The following GPRC5B variants were observed in gnomAD, a reference collection of about 807,000 sequenced individuals.
The protein encoded by GPRC5B is G protein-coupled receptor class C group 5 member B.
A neutral mutation model predicts 30.1 loss-of-function variants in GPRC5B; 16 were observed. The ratio of observed to expected loss-of-function variants is 0.53; its 90% CI spans 0.36 to 0.81. The LOEUF (loss-of-function observed/expected upper bound fraction) is 0.81, where lower values mean the gene tolerates loss of function less well. Among genes scored for constraint, GPRC5B ranks in the 30% least tolerant of loss-of-function variants. The pLI is 0.01. For missense variants in GPRC5B, 428 were observed against 544.7 expected, an observed-to-expected ratio of 0.79 and a Z score of 2.13; for synonymous variants, 241 against 239.5, an observed-to-expected ratio of 1.01 and a Z score of -0.06.
intron 3 of GPRC5B, among the ~76,000 whole-genome samples, chr16:19,861,003 T>G (rs931246172): frequency 2.1e-5 from 3 of 142,548 alleles, no homozygotes; most frequent in African/African-American, 5.3e-5. Context: ...TCCAAACCAA[T>G]GCAAACCAAT....
chr16:19,883,852 C>G (rs1425487748), intron 1 of GPRC5B, among the ~76,000 whole-genome samples: 1 of 152,246 alleles, frequency 6.6e-6, no homozygotes, highest in African/African-American at 2.4e-5. Flanking sequence ...TCGTTGGCCC[C>G]TTCCCAGGCT....
At chr16:19,874,625 C>T (rs1311945394) in intron 1 of GPRC5B, 3 of 152,250 alleles carry the variant, frequency 2.0e-5, no homozygotes, top group East Asian at 1.9e-4. Flanking sequence ...TTAGCAGCAT[C>T]GCTGGGTTCT....
intron 2 of GPRC5B, among the ~76,000 whole-genome samples, chr16:19,870,976 GA>G (rs35934193): frequency 0.38 from 56,306 of 146,614 alleles, 11,000 homozygotes; most frequent in African/African-American, 0.5. Flanking sequence ...AATTGGTAGG[GA>G]AAAAAAAAAA....
intron 1 of GPRC5B, among the ~76,000 whole-genome samples, chr16:19,879,033 T>C (rs1189940851): frequency 3.3e-5 from 5 of 151,920 alleles, no homozygotes; most frequent in Non-Finnish European, 7.4e-5. Flanking sequence ...CCTAGCTCCT[T>C]CACCTCCCCA....
At chr16:19,863,154 G>A (rs886101570) in intron 2 of GPRC5B, among the ~76,000 whole-genome samples, 19 of 148,608 alleles carry the variant, frequency 1.3e-4, no homozygotes, top group African/African-American at 4.7e-4. Flanking sequence ...AATTTTCATC[G>A]CACGATAGCT....
chr16:19,879,627 T>G (rs1020878872), intron 1 of GPRC5B, among the ~76,000 whole-genome samples: 1 of 152,110 alleles, frequency 6.6e-6, no homozygotes, highest in African/African-American at 2.4e-5. Context: ...CATACCTTGG[T>G]GTGAACTTAG....
chr16:19,880,049 G>A (rs1279847962), intron 1 of GPRC5B, among the ~76,000 whole-genome samples: 2 of 151,782 alleles, frequency 1.3e-5, no homozygotes, highest in East Asian at 1.9e-4. Flanking sequence ...TGGGAGGATC[G>A]CTTGAGCCCA....
Position 19,858,521 on chromosome 16 carries a change from G to C in GPRC5B, c.*1979C>G, listed in dbSNP as rs766047274. On this transcript the variant is annotated 3_prime_UTR_variant, in exon 4 of 4. Coordinates refer to ENST00000300571, the MANE Select transcript of GPRC5B (RefSeq NM_016235.3). ...TATCAGAAAGCTCCAAAGGACTCCA[G>C]AGAGCGGGGGTGAGTAACCATTTCC... 40 of 686,592 alleles carry C rather than the reference G, an allele frequency of 5.8e-5. No homozygotes were observed. The highest frequency in any genetic ancestry group is 8.4e-5 in the Non-Finnish European group (32 of 381,378). The allele number at this position is 686,592 out of a possible 1,614,324, so 42.5% of individuals were successfully genotyped here.
intron 1 of GPRC5B, among the ~76,000 whole-genome samples, chr16:19,884,173 A>C: frequency 2.1e-5 from 2 of 95,812 alleles, no homozygotes; most frequent in Admixed American, 1.4e-4. Flanking sequence ...GCCATCTCCC[A>C]CCGCCGTGTC....
At chr16:19,869,190 G>C (rs967492166) in intron 2 of GPRC5B, among the ~76,000 whole-genome samples, 1 of 151,902 alleles carries the variant, frequency 6.6e-6, no homozygotes, top group African/African-American at 2.4e-5. Context: ...TTAGCCAGGC[G>C]TGATGGCATG....
At chr16:19,875,977 C>G (rs1414768967) in intron 1 of GPRC5B, among the ~76,000 whole-genome samples, 1 of 152,178 alleles carries the variant, frequency 6.6e-6, no homozygotes, top group South Asian at 2.1e-4. Context: ...CAGTCCCCGA[C>G]CCAGTGGAGG....
chr16:19,872,039 G>A lies in GPRC5B; in HGVS notation c.807C>T (p.Asp269=). The A allele has an allele frequency of 6.2e-7, 1 of 1,614,010 alleles. No homozygotes were observed. Among genetic ancestry groups the A allele is most frequent in the Non-Finnish European group, 8.5e-7 (1 of 1,179,970 alleles). The change falls in exon 2 of 4, where the codon GAC becomes GAT. Residue 269 remains aspartate, a synonymous_variant. Coordinates refer to ENST00000300571, the MANE Select transcript of GPRC5B (RefSeq NM_016235.3). The surrounding 1 kb of genome is among the most constrained non-coding windows in gnomAD (Gnocchi z 5.0). ...VKLQQGDAWN[D]PTLAITLAAS... is the part of the protein sequence containing the mutation. ...CCGCCAGCGTGATGGCCAAGGTGGG[G>A]TCGTTCCAGGCATCCCCCTGCTGCA...
intron 1 of GPRC5B, among the ~76,000 whole-genome samples, chr16:19,874,443 C>T (rs2056745812): frequency 6.6e-6 from 1 of 152,204 alleles, no homozygotes; most frequent in South Asian, 2.1e-4. Flanking sequence ...TACTTTGTTT[C>T]TGCCTTCCCT....
In GPRC5B at chr16:19,861,949, T is replaced by C. The variant is rs1442105793; in HGVS notation, c.1055A>G (p.Asn352Ser). The C allele has an allele frequency of 5.0e-6, 8 of 1,613,778 alleles. No homozygotes were observed. The South Asian group carries it at 5.5e-5, about 11-fold the overall frequency. ...ACTGGGTCTTTTTCCCAAGCTGCCG[T>C]TGGGAAATCCTGCTGTTCGGAGAGC... is the stretch of plus-strand genomic sequence containing the variant. Reference protein sequence around the residue: ...NAALRTAGFPNGSLGKRPSGS... With the variant: ...NAALRTAGFPSGSLGKRPSGS... Residue 352 changes from asparagine to serine, a missense_variant, in exon 3 of 4, where the codon AAC becomes AGC. Transcript: ENST00000300571.
upstream of GPRC5B, chr16:19,884,979 C>G (rs893237543): frequency 1.4e-6 from 1 of 722,588 alleles, no homozygotes; most frequent in African/African-American, 1.9e-5. Context: ...CCCCCGGTCC[C>G]GCCGGCGGTT....
At position 19,857,575 on chromosome 16, in the gene GPRC5B, CCTGCTGAGAACTCCTGTAAG is replaced by C. The variant is rs2056577623; in HGVS notation, c.*2905_*2924del. ...GCTCTTCATCAGTTAATAAAAAGCA[CCTGCTGAGAACTCCTGTAAG>C]CTGGTATCATCATTGCATCATTGGA... On this transcript the variant is annotated 3_prime_UTR_variant, in exon 4 of 4. Coordinates refer to ENST00000300571, the MANE Select transcript of GPRC5B (RefSeq NM_016235.3). 1 of 361,472 alleles carries C rather than the reference CCTGCTGAGAACTCCTGTAAG, an allele frequency of 2.8e-6. No homozygotes were observed. Among genetic ancestry groups the C allele is most frequent in the Non-Finnish European group, 5.2e-6 (1 of 191,818 alleles). 22.4% of individuals were successfully genotyped at this position (361,472 alleles called of 1,614,324 possible).
intron 1 of GPRC5B, among the ~76,000 whole-genome samples, chr16:19,883,004 A>G (rs1275351027): frequency 6.6e-6 from 1 of 152,126 alleles, no homozygotes; most frequent in African/African-American, 2.4e-5. Context: ...CATCTCAGGT[A>G]CATACACCCC....
Position 19,857,470 on chromosome 16 carries a change from C to T in GPRC5B, c.*3030G>A, listed in dbSNP as rs775932697. On this transcript the variant is annotated 3_prime_UTR_variant, in exon 4 of 4. Transcript: ENST00000300571. ...TTTTTATAAGTATGCAACAGTCAGC[C>T]GGGGGAAGATAAAGGTACATTATAA... 39 of 437,336 alleles carry T rather than the reference C, an allele frequency of 8.9e-5. No individual in the cohort carries two copies. Among genetic ancestry groups the T allele is most frequent in the South Asian group, 5.2e-4 (31 of 59,700 alleles). 27.1% of individuals were successfully genotyped at this position (437,336 alleles called of 1,614,324 possible).
intron 1 of GPRC5B, among the ~76,000 whole-genome samples, chr16:19,881,394 G>A (rs1490431814): frequency 6.6e-6 from 1 of 152,014 alleles, no homozygotes; most frequent in Non-Finnish European, 1.5e-5. Context: ...TAGCAAGACT[G>A]TCTCTATTAT....
Sources: gnomAD v4.1 joint callset for allele counts (sites outside exome capture counted in the v4.1 genomes callset) on GRCh38, gnomAD v4.1.1 for gene constraint, Gnocchi (gnomAD v3.1) non-coding constraint, MANE v1.5 for transcripts, NCBI Gene and HGNC (gene_info 2026-07-23, HGNC 2026-07-21) for gene names.